DPP3: variants seen among roughly 807,000 people sequenced by gnomAD.
DPP3 encodes dipeptidyl peptidase 3.
A neutral mutation model predicts 89.8 loss-of-function variants in DPP3; 64 were observed. The observed-to-expected ratio is 0.71, with a 90% CI of 0.58 to 0.88. The LOEUF is 0.88. Among genes scored for constraint, DPP3 ranks in the 40% least tolerant of loss-of-function variants. DPP3 has a pLI of 0.00. For synonymous variants in DPP3, 377 were observed against 404.3 expected, an observed-to-expected ratio of 0.93 and a Z score of 0.81; for missense variants, 835 against 972.5, an observed-to-expected ratio of 0.86 and a Z score of 1.88.
chr11:66,480,746 T>G (rs1461080349), intron 1 of DPP3: 5 of 354,636 alleles, frequency 1.4e-5, no homozygotes, highest in Non-Finnish European at 2.5e-5. Context: ...GCGGGGAGAA[T>G]GCCCCGGGTT....
chr11:66,500,346 TC>T (rs1443163774), intron 16 of DPP3, among the ~76,000 whole-genome samples: 1 of 151,970 alleles, frequency 6.6e-6, no homozygotes, highest in East Asian at 1.9e-4. Flanking sequence ...ACAGCAAGAC[TC>T]CATTTCAAAA....
rs201194654 is a variant in DPP3 at position 66,480,450 on chromosome 11, G to A, written c.-24G>A. 1.4e-4 allele frequency: 206 copies of A among 1,485,346 alleles called. No homozygotes were observed. The highest frequency in any genetic ancestry group is 1.8e-4 in the Non-Finnish European group (204 of 1,124,220). 92.0% of individuals were successfully genotyped at this position (1,485,346 alleles called of 1,614,324 possible). ...GGAAGCAGGAAGTGAGTTTGCGAACGGAGCAGCTGCTGCAGGTGAGGCGCG... is the reference window on the plus strand; with the variant it reads ...GGAAGCAGGAAGTGAGTTTGCGAACAGAGCAGCTGCTGCAGGTGAGGCGCG... On this transcript the variant is annotated 5_prime_UTR_variant, in exon 1 of 18. Coordinates refer to ENST00000531863, the MANE Select transcript of DPP3 (RefSeq NM_130443.4).
In DPP3 at chr11:66,492,867, C is replaced by T. The variant is rs144416823; in HGVS notation, c.1140C>T (p.Thr380=). 5,318 of 1,614,026 alleles carry T rather than the reference C, an allele frequency of 3.3e-3. 13 individuals carry two copies. Among genetic ancestry groups the T allele is most frequent in the Non-Finnish European group, 3.8e-3 (4,511 of 1,179,968 alleles). Residue 380 remains threonine, a synonymous_variant, in exon 10 of 18, where the codon ACC becomes ACT. Transcript: ENST00000531863. ...ACTTCACCTCCCTGGATGTTCTCAC[C>T]TTCGCTGGCTCCGGCATCCCTGCCG... ...TPDFTSLDVL[T]FAGSGIPAGI... is the part of the protein sequence containing the mutation.
In DPP3 at chr11:66,497,296, A is replaced by C; in HGVS notation, c.1699-2A>C. 6.2e-7 allele frequency: 1 copy of C among 1,613,110 alleles called. No individual in the cohort carries two copies. The highest frequency in any genetic ancestry group is 8.5e-7 in the Non-Finnish European group (1 of 1,179,642). ...AATGCTGTCTTTCCCCTGCTCCGGC[A>C]GGCCCATATGCAGGCCCGGTTTGTG... On this transcript the variant is annotated splice_acceptor_variant, in intron 15 of 17. Transcript: ENST00000531863. LOFTEE classifies it high-confidence loss of function.
At chr11:66,487,220 C>G in intron 4 of DPP3, 48 bp from the exon 5 acceptor site, 2 of 1,593,586 alleles carry the variant, frequency 1.3e-6, no homozygotes, top group Non-Finnish European at 1.7e-6. Flanking sequence ...CCCTGCAGCC[C>G]TGACCTTGGC....
intron 3 of DPP3, 124 bp downstream of exon 3, chr11:66,485,386 T>C: frequency 1.1e-6 from 1 of 929,808 alleles, no homozygotes; most frequent in Non-Finnish European, 1.7e-6. Flanking sequence ...ACCCTGTCGC[T>C]TCCACCCTGC....
Position 66,482,190 on chromosome 11 carries a change from C to T in DPP3, c.-8-3C>T. On this transcript the variant is annotated splice_region_variant and splice_polypyrimidine_tract_variant and intron_variant, in intron 1 of 17. Coordinates refer to ENST00000531863, the MANE Select transcript of DPP3 (RefSeq NM_130443.4). ...CAGCTGTGATGACAGTGATGGTTCT[C>T]AGCAGGGCCCATGGCGGACACCCAG... 1 of 1,613,714 alleles carries T rather than the reference C, an allele frequency of 6.2e-7. No homozygotes were observed. Among genetic ancestry groups the T allele is most frequent in the South Asian group, 1.1e-5 (1 of 91,022 alleles).
chr11:66,488,391 A>AT (rs1384916673), intron 6 of DPP3, among the ~76,000 whole-genome samples: 1 of 152,104 alleles, frequency 6.6e-6, no homozygotes, highest in Non-Finnish European at 1.5e-5. Flanking sequence ...GTGAAACCCC[A>AT]TCTCTACTAA....
intron 12 of DPP3, 123 bp downstream of exon 12, chr11:66,493,756 A>G: frequency 9.7e-7 from 1 of 1,032,388 alleles, no homozygotes; most frequent in Non-Finnish European, 1.4e-6. Flanking sequence ...AGTGGGGAAA[A>G]TGGCCCCTTA....
At position 66,497,293 on chromosome 11, in the gene DPP3, G is replaced by A. The variant is rs181566863; in HGVS notation, c.1699-5G>A. 134 of 1,612,688 alleles carry A rather than the reference G, an allele frequency of 8.3e-5. No homozygotes were observed. In the African/African-American group the frequency reaches 1.3e-3, roughly 16 times the overall value. ...ACAAATGCTGTCTTTCCCCTGCTCC[G>A]GCAGGCCCATATGCAGGCCCGGTTT... On this transcript the variant is annotated splice_region_variant and splice_polypyrimidine_tract_variant and intron_variant, in intron 15 of 17. Transcript: ENST00000531863.
At chr11:66,487,502 A>T (rs2134723471) in intron 5 of DPP3, among the ~76,000 whole-genome samples, 160 bp downstream of exon 5, 1 of 152,160 alleles carries the variant, frequency 6.6e-6, no homozygotes, top group African/African-American at 2.4e-5. Context: ...GCCTAATGAC[A>T]GCCTCAGGGC....
In DPP3 at chr11:66,497,430, C is replaced by T. The variant is rs199640937; in HGVS notation, c.1831C>T (p.Arg611Trp). 66 of 1,613,902 alleles carry T rather than the reference C, an allele frequency of 4.1e-5. No individual in the cohort carries two copies. Among genetic ancestry groups the T allele is most frequent in the Middle Eastern group, 3.3e-4 (2 of 6,084 alleles). ...GGTCCGCCTCGACCGCAGCAAGATC[C>T]GGTCTGTGGGCAAGCCTGCTCTAGA... Reference protein sequence around the residue: ...ARVRLDRSKIRSVGKPALERF... With the variant: ...ARVRLDRSKIWSVGKPALERF... Residue 611 changes from arginine (R) to tryptophan (W), a missense_variant, in exon 16 of 18, where the codon CGG becomes TGG. Transcript: ENST00000531863.
chr11:66,492,730 G>A lies in DPP3; in HGVS notation c.1003G>A (p.Val335Met), dbSNP rs201502426. Residue 335 changes from valine (V) to methionine (M), a missense_variant, in exon 10 of 18, where the codon GTG becomes ATG. Transcript: ENST00000531863. Reference sequence around the variant, plus strand: ...CTCCTCTGCAGGTTTCGTAGCTGTGGTGAACAAGGCCATGAGTGCCAAGTT... The same window carrying A: ...CTCCTCTGCAGGTTTCGTAGCTGTGATGAACAAGGCCATGAGTGCCAAGTT... ...RGEFEGFVAV[V>M]NKAMSAKFER... 1.9e-6 allele frequency: 3 copies of A among 1,598,576 alleles called. No individual in the cohort carries two copies. The highest frequency in any genetic ancestry group is 2.3e-5 in the South Asian group (2 of 88,808).
chr11:66,493,034 C>T, intron 10 of DPP3, 33 bp from the exon 11 acceptor site: 2 of 1,613,098 alleles, frequency 1.2e-6, no homozygotes, highest in African/African-American at 1.3e-5. Context: ...TGACCCTCAC[C>T]TCTTCTTTCT....
chr11:66,494,217 A>C (rs756535540), intron 12 of DPP3, among the ~76,000 whole-genome samples: 2 of 152,124 alleles, frequency 1.3e-5, no homozygotes, highest in Non-Finnish European at 2.9e-5. Context: ...GGAAACACAG[A>C]CAGTCATTTA....
intron 10 of DPP3, 61 bp downstream of exon 10, chr11:66,492,971 T>A (rs1855434598): frequency 6.3e-7 from 1 of 1,599,316 alleles, no homozygotes; most frequent in African/African-American, 1.3e-5. Context: ...CGCCCCTCCC[T>A]GTCCACACAC....
chr11:66,491,127 A>T, intron 6 of DPP3, 126 bp from the exon 7 acceptor site: 1 of 1,423,610 alleles, frequency 7.0e-7, no homozygotes, highest in Non-Finnish European at 9.6e-7. Context: ...ACAGGGAGCC[A>T]TTGAAAATCT....
rs1230869541 is a variant in DPP3 at position 66,482,306 on chromosome 11, C to T, written c.106C>T (p.His36Tyr). ...ACCCACAGAGCGCCTCTATGCCTACCACCTGTCCCGTGCCGCCTGGTACGG... is the reference window on the plus strand; with the variant it reads ...ACCCACAGAGCGCCTCTATGCCTACTACCTGTCCCGTGCCGCCTGGTACGG... ...LSPTERLYAY[H>Y]LSRAAWYGGL... is the part of the protein sequence containing the mutation. The change falls in exon 2 of 18, where the codon CAC (histidine) becomes TAC (tyrosine). Residue 36 changes from histidine to tyrosine, a missense_variant. By Grantham distance (83) the His-to-Tyr change is moderately conservative. Transcript: ENST00000531863. 1.9e-6 allele frequency: 3 copies of T among 1,614,096 alleles called. No homozygotes were observed. Among genetic ancestry groups the T allele is most frequent in the East Asian group, 2.2e-5 (1 of 44,880 alleles).
intron 5 of DPP3, 79 bp from the exon 6 acceptor site, chr11:66,487,835 G>T: frequency 1.5e-6 from 2 of 1,361,002 alleles, no homozygotes; most frequent in East Asian, 2.3e-5. Flanking sequence ...TTCTCCCCTA[G>T]GGTTGACCCA....
Sources: allele counts gnomAD v4.1 joint callset (sites outside exome capture counted in the v4.1 genomes callset), GRCh38; gene constraint gnomAD v4.1.1; transcripts MANE v1.5; gene names NCBI Gene and HGNC (gene_info 2026-07-23, HGNC 2026-07-21).